The following DNAH11 variants were observed in gnomAD, a reference collection of about 807,000 sequenced individuals.
DNAH11 encodes the protein dynein axonemal heavy chain 11.
In DNAH11, 442 loss-of-function variants were observed where a neutral mutation model predicts 526.0. The ratio of observed to expected loss-of-function variants is 0.84; its 90% CI spans 0.78 to 0.91. The LOEUF (loss-of-function observed/expected upper bound fraction) is 0.91, where lower values mean the gene tolerates loss of function less well. Ranked by LOEUF, DNAH11 falls within the 40% of genes least tolerant of loss-of-function variation. The pLI is 0.00. For synonymous variants in DNAH11, 2,461 were observed against 1,935.9 expected (o/e 1.27, Z -7.12); for missense variants, 6,989 against 5,448.7 (o/e 1.28, Z -8.90).
chr7:21,748,697 C>G lies in DNAH11; in HGVS notation c.8628C>G (p.Val2876=). 1.2e-6 allele frequency: 2 copies of G among 1,613,588 alleles called. No homozygotes were observed. The highest frequency in any genetic ancestry group is 1.7e-6 in the Non-Finnish European group (2 of 1,179,714). Residue 2876 remains valine, a synonymous_variant, in exon 52 of 82, where the codon GTC becomes GTG. Transcript: ENST00000409508. ...CAGCTTACCTTCGTGGCCTTGAGGT[C>G]TTTCAGATCACTCTGACCGAGGGCT... ...RLAAYLRGLE[V]FQITLTEGYG...
intron 6 of DNAH11, among the ~76,000 whole-genome samples, chr7:21,567,356 T>C (rs567781638): frequency 1.4e-4 from 22 of 152,346 alleles, no homozygotes; most frequent in African/African-American, 5.0e-4. Context: ...AAAGTTTTTG[T>C]GAAAATTCAA....
At chr7:21,878,623 T>G (rs2128041232) in intron 74 of DNAH11, among the ~76,000 whole-genome samples, 2 of 152,280 alleles carry the variant, frequency 1.3e-5, no homozygotes, top group East Asian at 3.9e-4. Context: ...AATGGCCTAG[T>G]GATTTAGAGT....
At chr7:21,821,284 A>G (rs1790038797) in intron 65 of DNAH11, among the ~76,000 whole-genome samples, 1 of 152,168 alleles carries the variant, frequency 6.6e-6, no homozygotes, top group African/African-American at 2.4e-5. Context: ...AGAAGTCTAA[A>G]AAGCAGTTGG....
chr7:21,645,523 G>A (rs1172548476), intron 28 of DNAH11, among the ~76,000 whole-genome samples: 2 of 152,130 alleles, frequency 1.3e-5, no homozygotes, highest in Admixed American at 6.6e-5. Context: ...CTTTCAAGAG[G>A]CTCGTGGAAC....
intron 62 of DNAH11, among the ~76,000 whole-genome samples, chr7:21,806,421 A>G (rs1789265759): frequency 6.6e-6 from 1 of 152,242 alleles, no homozygotes; most frequent in South Asian, 2.1e-4. Flanking sequence ...GAAGTTCCTT[A>G]GTGTTTAATT....
intron 71 of DNAH11, 119 bp from the exon 72 acceptor site, chr7:21,867,740 C>T (rs867279148): frequency 4.0e-5 from 33 of 828,560 alleles, no homozygotes; most frequent in Non-Finnish European, 5.5e-5. Context: ...AACAAGACAT[C>T]CCATGTAATA....
rs146927467 is a variant in DNAH11, at chr7:21,580,878, C to A, written c.1594-1027C>A. ...TTCAAAGAAACATAGCATCTGGGAT[C>A]AGGAGCCAGGTTGCCTGGCTTTAAA... On this transcript the variant is annotated intron_variant, in intron 8 of 81. Transcript: ENST00000409508. Among the ~76,000 whole-genome samples the A allele has an allele frequency of 5.9e-3, 902 of 152,300 alleles. 7 individuals carry two copies. The highest frequency in any genetic ancestry group is 0.02 in the African/African-American group (843 of 41,556).
intron 42 of DNAH11, among the ~76,000 whole-genome samples, chr7:21,717,261 A>G (rs16872855): frequency 0.014 from 2,092 of 152,130 alleles, 34 homozygotes; most frequent in African/African-American, 0.033. Context: ...AGAGCCACCT[A>G]TTGGAAACTC....
At chr7:21,650,310 G>T (rs1787567763) in intron 28 of DNAH11, among the ~76,000 whole-genome samples, 1 of 152,060 alleles carries the variant, frequency 6.6e-6, no homozygotes, top group African/African-American at 2.4e-5. Context: ...GTAAGTAATT[G>T]CATGTTCATT....
At chr7:21,659,079 T>G (rs1165705908) in intron 30 of DNAH11, 48 bp downstream of exon 30, 2 of 1,401,756 alleles carry the variant, frequency 1.4e-6, no homozygotes, top group African/African-American at 2.9e-5. Flanking sequence ...CTTCAAGATG[T>G]AAGCTTGCTT....
rs750640740 is a variant in DNAH11 at position 21,615,112 on chromosome 7, A to G, written c.3853-2A>G. On this transcript the variant is annotated splice_acceptor_variant, in intron 20 of 81. Transcript: ENST00000409508. LOFTEE classifies it high-confidence loss of function. Reference sequence around the variant, plus strand: ...ATGCAGGTGTTTATGTTCTCTCCTTAGGCAAATGAAGAGCTTGAGGCCTTA... The same window carrying G: ...ATGCAGGTGTTTATGTTCTCTCCTTGGGCAAATGAAGAGCTTGAGGCCTTA... 8 of 1,607,888 alleles carry G rather than the reference A, an allele frequency of 5.0e-6. No homozygotes were observed. The East Asian group carries it at 1.8e-4, about 36-fold the overall frequency.
chr7:21,635,310 C>T (rs1310253051), intron 25 of DNAH11, among the ~76,000 whole-genome samples: 2 of 152,174 alleles, frequency 1.3e-5, no homozygotes, highest in Non-Finnish European at 2.9e-5. Context: ...GCGCCCGTCA[C>T]CACGCCCAGC....
At chr7:21,726,321 GC>G (rs1785103491) in intron 45 of DNAH11, among the ~76,000 whole-genome samples, 1 of 151,984 alleles carries the variant, frequency 6.6e-6, no homozygotes, top group Non-Finnish European at 1.5e-5. Context: ...ATGAGAAACT[GC>G]CCCCATGACC....
At chr7:21,738,061 G>C (rs1360944281) in intron 46 of DNAH11, among the ~76,000 whole-genome samples, 2 of 152,122 alleles carry the variant, frequency 1.3e-5, no homozygotes, top group Non-Finnish European at 2.9e-5. Context: ...AATACTTATA[G>C]TCTGTTTGGA....
intron 45 of DNAH11, among the ~76,000 whole-genome samples, chr7:21,726,934 TC>T (rs1467446255): frequency 2.5e-5 from 1 of 39,814 alleles, no homozygotes; most frequent in Non-Finnish European, 4.5e-5. Flanking sequence ...CATCCTCTTT[TC>T]TTTTTTTTTT....
At position 21,854,357 on chromosome 7, in the gene DNAH11, C is replaced by G. The variant is rs375983999; in HGVS notation, c.11104C>G (p.Arg3702Gly). ...AAATGAAAGAAAAATCAACGAGGCCCGAGAATGTTACAGACCAGTGGCAGC... is the reference window on the plus strand; with the variant it reads ...AAATGAAAGAAAAATCAACGAGGCCGGAGAATGTTACAGACCAGTGGCAGC... ...KENERKINEA[R>G]ECYRPVAARA... is the part of the protein sequence containing the mutation. Residue 3702 changes from arginine (R) to glycine (G), a missense_variant, in exon 68 of 82, where the codon CGA (arginine) becomes GGA (glycine). Physicochemically the swap from Arg to Gly is moderately radical, Grantham distance 125. Transcript: ENST00000409508. 4.3e-6 allele frequency: 7 copies of G among 1,613,544 alleles called. No homozygotes were observed. In the South Asian group the frequency reaches 5.5e-5, roughly 13 times the overall value.
intron 36 of DNAH11, among the ~76,000 whole-genome samples, chr7:21,698,471 C>G (rs973454890): frequency 6.6e-6 from 1 of 152,094 alleles, no homozygotes; most frequent in Non-Finnish European, 1.5e-5. Context: ...TCACCCACCT[C>G]CCACCTTTTC....
At chr7:21,821,210 CTAA>C (rs1316771358) in intron 65 of DNAH11, among the ~76,000 whole-genome samples, 1 of 150,398 alleles carries the variant, frequency 6.6e-6, no homozygotes, top group Non-Finnish European at 1.5e-5. Flanking sequence ...AGGGAAAGAA[CTAA>C]TAATTTCTCT....
chr7:21,867,895 G>T lies in DNAH11; in HGVS notation c.11727G>T (p.Val3909=). 6.3e-7 allele frequency: 1 copy of T among 1,580,712 alleles called. No homozygotes were observed. Among genetic ancestry groups the T allele is most frequent in the East Asian group, 2.3e-5 (1 of 43,602 alleles). ...AGGAAAAACTGGGTGCGAAGTATGT[G>T]GAGAGGACCAGATTGGACTTAGTTA... ...FVEEKLGAKY[V]ERTRLDLVKA... Residue 3909 remains valine (V), a synonymous_variant, in exon 72 of 82, where the codon GTG becomes GTT. Transcript: ENST00000409508.
Sources: gnomAD v4.1 joint callset for allele counts (sites outside exome capture counted in the v4.1 genomes callset) on GRCh38, gnomAD v4.1.1 for gene constraint, MANE v1.5 for transcripts, NCBI Gene and HGNC (gene_info 2026-07-23, HGNC 2026-07-21) for gene names.